MAST4: variants seen among roughly 807,000 people sequenced by gnomAD.
MAST4 encodes the protein microtubule-associated serine/threonine-protein kinase 4.
Under a neutral mutation model 162.7 loss-of-function variants are expected in MAST4, and 89 were observed. The ratio of observed to expected loss-of-function variants is 0.55; its 90% CI spans 0.46 to 0.65. The LOEUF is 0.65. MAST4 is among the 30% of genes least tolerant of loss of function. The pLI, the probability that MAST4 is intolerant of heterozygous loss-of-function variation, is 0.00. For missense variants in MAST4, 3,153 were observed against 3,374.0 expected, an observed-to-expected ratio of 0.93 and a Z score of 1.62; for synonymous variants, 1,479 against 1,361.1, an observed-to-expected ratio of 1.09 and a Z score of -1.91.
At chr5:66,855,556 G>C (rs1243467097) in intron 3 of MAST4, among the ~76,000 whole-genome samples, 2 of 152,166 alleles carry the variant, frequency 1.3e-5, no homozygotes, top group Non-Finnish European at 2.9e-5. Context: ...AAGTAGCTTC[G>C]GGATGTTGTC....
intron 4 of MAST4, among the ~76,000 whole-genome samples, chr5:66,994,484 T>C (rs1219913269): frequency 1.6e-5 from 2 of 123,102 alleles, no homozygotes; most frequent in Non-Finnish European, 4.1e-5. Flanking sequence ...TTCATTCATT[T>C]GTCACTCACC....
At chr5:66,873,803 A>G (rs879068708) in intron 3 of MAST4, among the ~76,000 whole-genome samples, 1 of 152,184 alleles carries the variant, frequency 6.6e-6, no homozygotes, top group Non-Finnish European at 1.5e-5. Flanking sequence ...TTCGACTGCT[A>G]TTTCTCAATC....
At chr5:66,824,257 A>T (rs1215522947) in intron 3 of MAST4, among the ~76,000 whole-genome samples, 1 of 152,210 alleles carries the variant, frequency 6.6e-6, no homozygotes, top group Non-Finnish European at 1.5e-5. Flanking sequence ...TACTGATGGT[A>T]TTGGAAATCA....
chr5:66,700,129 A>G (rs1251540967), intron 1 of MAST4, among the ~76,000 whole-genome samples: 1 of 152,216 alleles, frequency 6.6e-6, no homozygotes, highest in Non-Finnish European at 1.5e-5. Context: ...TTGAGGCATA[A>G]TAAGGGTGTT....
At chr5:66,973,445 G>C (rs76770050) in intron 4 of MAST4, among the ~76,000 whole-genome samples, 4,356 of 152,118 alleles carry the variant, frequency 0.029, 73 homozygotes, top group Middle Eastern at 0.041. Context: ...CACAATTTCA[G>C]TTTATCTGAT....
chr5:66,917,702 G>T (rs532315637), intron 4 of MAST4, among the ~76,000 whole-genome samples: 1 of 150,934 alleles, frequency 6.6e-6, no homozygotes, highest in South Asian at 2.1e-4. Flanking sequence ...ATATAAAGAT[G>T]CCATATATAT....
chr5:66,826,532 C>A (rs148846112), intron 3 of MAST4, among the ~76,000 whole-genome samples: 1,919 of 152,148 alleles, frequency 0.013, 16 homozygotes, highest in Middle Eastern at 0.024. Context: ...TCTGGGCTCT[C>A]TACCTGTTTT....
intron 3 of MAST4, among the ~76,000 whole-genome samples, chr5:66,832,138 C>G (rs1463117505): frequency 1.3e-5 from 2 of 152,114 alleles, no homozygotes; most frequent in Non-Finnish European, 2.9e-5. Flanking sequence ...GCTGACGATG[C>G]CTTTCCTGCC....
At chr5:66,841,752 G>C (rs1252237126) in intron 3 of MAST4, among the ~76,000 whole-genome samples, 3 of 152,060 alleles carry the variant, frequency 2.0e-5, no homozygotes, top group Non-Finnish European at 4.4e-5. Context: ...TTTGGGGAGG[G>C]GGATACACAC....
intron 1 of MAST4, among the ~76,000 whole-genome samples, chr5:66,598,149 C>T (rs1475517458): frequency 2.0e-5 from 3 of 152,126 alleles, no homozygotes; most frequent in Non-Finnish European, 4.4e-5. Flanking sequence ...TGAGAGGAGG[C>T]GAGTCCTAGC....
rs1286593576 is a variant in MAST4 at position 67,130,230 on chromosome 5, A to G, written c.1766A>G (p.His589Arg). The G allele has an allele frequency of 3.7e-6, 6 of 1,612,956 alleles. No homozygotes were observed. Among genetic ancestry groups the G allele is most frequent in the Non-Finnish European group, 5.1e-6 (6 of 1,179,402 alleles). Residue 589 changes from histidine (H) to arginine (R), a missense_variant, in exon 15 of 29, where the codon CAT becomes CGT. Physicochemically the swap from His to Arg is conservative, Grantham distance 29. Coordinates refer to ENST00000403625, the MANE Select transcript of MAST4 (RefSeq NM_001164664.2). The stretch of plus-strand genomic sequence containing the variant: ...TTCAGGGCAGTCTACTTTGTTCGGC[A>G]TAAAGAATCCCGGCAGAGGTTTGCC... ...GAYGAVYFVR[H>R]KESRQRFAMK...
At chr5:66,877,093 A>G (rs1393640182) in intron 3 of MAST4, among the ~76,000 whole-genome samples, 1 of 152,212 alleles carries the variant, frequency 6.6e-6, no homozygotes, top group East Asian at 1.9e-4. Context: ...CTAGGACTGG[A>G]AAGTAGCCAT....
In MAST4 at chr5:66,596,614, G is replaced by A. The variant is rs1185936988; in HGVS notation, c.-42G>A. On this transcript the variant is annotated 5_prime_UTR_variant, in exon 1 of 29. Coordinates refer to ENST00000403625, the MANE Select transcript of MAST4 (RefSeq NM_001164664.2). ...CCCCGGGAGGCGCTGAGTGCGCGCC[G>A]CGCCCCCGCCGCTCGGGAGGCACTT... 1 of 1,391,348 alleles carries A rather than the reference G, an allele frequency of 7.2e-7. No homozygotes were observed. The highest frequency in any genetic ancestry group is 9.3e-7 in the Non-Finnish European group (1 of 1,075,862). The allele number at this position is 1,391,348 out of a possible 1,614,324, so 86.2% of individuals were successfully genotyped here. A position where few individuals can be genotyped will look rare whatever the true frequency, so the allele number is the denominator to read the frequency against.
intron 4 of MAST4, among the ~76,000 whole-genome samples, chr5:66,951,889 T>G (rs1341403535): frequency 6.6e-6 from 1 of 152,108 alleles, no homozygotes; most frequent in Admixed American, 6.5e-5. Context: ...ACCCTCCAGT[T>G]TTTCTGTTCC....
chr5:66,697,312 A>T (rs1749470063), intron 1 of MAST4, among the ~76,000 whole-genome samples: 2 of 152,202 alleles, frequency 1.3e-5, no homozygotes, highest in African/African-American at 4.8e-5. Flanking sequence ...CAAGTGACCG[A>T]TGTACGATGT....
At chr5:66,625,308 C>T (rs1296140179) in intron 1 of MAST4, among the ~76,000 whole-genome samples, 1 of 152,270 alleles carries the variant, frequency 6.6e-6, no homozygotes, top group East Asian at 1.9e-4. Context: ...TTTAAGCCTG[C>T]AGAAGGATGT....
intron 1 of MAST4, among the ~76,000 whole-genome samples, chr5:66,703,161 G>C (rs1288458248): frequency 6.6e-6 from 1 of 152,082 alleles, no homozygotes; most frequent in African/African-American, 2.4e-5. Flanking sequence ...GGGGAGTAGG[G>C]GGTAGGAGGC....
At chr5:66,870,203 A>G (rs1262639475) in intron 3 of MAST4, among the ~76,000 whole-genome samples, 2 of 152,208 alleles carry the variant, frequency 1.3e-5, no homozygotes, top group African/African-American at 2.4e-5. Context: ...TGTTTCAGCC[A>G]ATAAAATACA....
rs1475747410 is a variant in MAST4 at position 66,941,767 on chromosome 5, T to C, written c.674+41785T>C. Among the ~76,000 whole-genome samples, 4 of 152,136 alleles carry C rather than the reference T, an allele frequency of 2.6e-5. No homozygotes were observed. In the East Asian group the frequency reaches 5.8e-4, roughly 22 times the overall value. ...AAACATAATCGTTTTTAGCTTTTGA[T>C]TGAAAATGAGAGATGTGTGTCTCTT... On this transcript the variant is annotated intron_variant, in intron 4 of 28. Transcript: ENST00000403625.
Sources: allele counts gnomAD v4.1 joint callset (sites outside exome capture counted in the v4.1 genomes callset), GRCh38; gene constraint gnomAD v4.1.1; transcripts MANE v1.5; gene names NCBI Gene and HGNC (gene_info 2026-07-23, HGNC 2026-07-21).